PHF24: variants seen among roughly 807,000 people sequenced by gnomAD.
PHF24 encodes the protein PHD finger protein 24, also known as Galpha inhibitory interacting protein.
In PHF24, 25 loss-of-function variants were observed where a neutral mutation model predicts 42.6. The observed-to-expected ratio is 0.59, with a 90% confidence interval of 0.43 to 0.82. The LOEUF (loss-of-function observed/expected upper bound fraction) is 0.82. Among genes scored for constraint, PHF24 ranks in the 40% least tolerant of loss-of-function variants. The pLI is 0.00. For synonymous variants in PHF24, 185 were observed against 204.8 expected, an observed-to-expected ratio of 0.90 and a Z score of 0.83; for missense variants, 470 against 538.1, an observed-to-expected ratio of 0.87 and a Z score of 1.25.
chr9:34,693,032 T>C, the PHF24 span, among the ~76,000 whole-genome samples: 1 of 152,174 alleles, frequency 6.6e-6, no homozygotes. Flanking sequence ...AACTCCTGAC[T>C]TCAAATGATC....
At chr9:34,834,717 T>G in the PHF24 span, 1 of 1,543,468 alleles carries the variant, frequency 6.5e-7, no homozygotes, top group African/African-American at 1.4e-5. Flanking sequence ...TGGAGTTGCC[T>G]CTGTAGCAGG....
the PHF24 span, among the ~76,000 whole-genome samples, chr9:34,790,169 A>C: frequency 1.3e-5 from 2 of 152,168 alleles, no homozygotes; most frequent in African/African-American, 4.8e-5. Flanking sequence ...TTTAAATGAA[A>C]AATCAGGAGG....
chr9:34,694,162 T>G, the PHF24 span, among the ~76,000 whole-genome samples: 1 of 117,040 alleles, frequency 8.5e-6, no homozygotes, highest in Non-Finnish European at 1.8e-5. Context: ...CTCTATTCTT[T>G]TTTTTTTTTT....
chr9:34,873,239 T>C, the PHF24 span, among the ~76,000 whole-genome samples: 7 of 152,230 alleles, frequency 4.6e-5, no homozygotes, highest in African/African-American at 1.4e-4. Context: ...TTGGCTTTTG[T>C]TGCCTTTGCT....
At chr9:34,911,626 G>A in the PHF24 span, among the ~76,000 whole-genome samples, 1 of 152,032 alleles carries the variant, frequency 6.6e-6, no homozygotes, top group East Asian at 1.9e-4. Flanking sequence ...AGGACAATAG[G>A]AATAGTTAGT....
At chr9:34,704,399 A>G in the PHF24 span, among the ~76,000 whole-genome samples, 2 of 152,148 alleles carry the variant, frequency 1.3e-5, no homozygotes, top group Non-Finnish European at 2.9e-5. Context: ...AAATATTGAC[A>G]AGGAAGGAGT....
At chr9:34,912,831 A>G in the PHF24 span, among the ~76,000 whole-genome samples, 1 of 152,264 alleles carries the variant, frequency 6.6e-6, no homozygotes, top group Admixed American at 6.5e-5. Context: ...AAGAAAATGT[A>G]ACCAATTCTT....
chr9:34,892,511 A>G, the PHF24 span: 1 of 407,194 alleles, frequency 2.5e-6, no homozygotes, highest in Non-Finnish European at 4.3e-6. Context: ...GTGCAACAAT[A>G]TCCCACTTGT....
chr9:34,941,101 T>C, the PHF24 span, among the ~76,000 whole-genome samples: 1 of 152,104 alleles, frequency 6.6e-6, no homozygotes, highest in Non-Finnish European at 1.5e-5. Context: ...TAAGGGTAAG[T>C]GGGGTTACTC....
At chr9:34,853,782 C>T in the PHF24 span, among the ~76,000 whole-genome samples, 1 of 147,380 alleles carries the variant, frequency 6.8e-6, no homozygotes, top group African/African-American at 2.5e-5. Context: ...GAGCCGAGAT[C>T]CCGCCACTGC....
At chr9:34,914,621 C>A in the PHF24 span, among the ~76,000 whole-genome samples, 1 of 152,148 alleles carries the variant, frequency 6.6e-6, no homozygotes, top group African/African-American at 2.4e-5. Context: ...AATCTCATGT[C>A]GGTTCTGCTT....
At chr9:34,813,102 C>T in the PHF24 span, among the ~76,000 whole-genome samples, 1 of 152,194 alleles carries the variant, frequency 6.6e-6, no homozygotes, top group Non-Finnish European at 1.5e-5. Flanking sequence ...GCTTCAGATT[C>T]TCCACAGCTT....
intron 3 of PHF24, 133 bp from the exon 4 acceptor site, chr9:34,976,019 G>A (rs1827170807): frequency 1.5e-6 from 1 of 676,044 alleles, no homozygotes; most frequent in African/African-American, 1.8e-5. Context: ...CAATCTCATT[G>A]ATTGTGAATA....
At chr9:34,952,399 G>A in the PHF24 span, among the ~76,000 whole-genome samples, 6 of 152,286 alleles carry the variant, frequency 3.9e-5, no homozygotes, top group East Asian at 3.9e-4. Context: ...GAGATATGCC[G>A]TATTCATGGA....
the PHF24 span, among the ~76,000 whole-genome samples, chr9:34,684,929 A>G: frequency 6.6e-6 from 1 of 152,112 alleles, no homozygotes; most frequent in Admixed American, 6.6e-5. Context: ...CAAAGGCCCT[A>G]GAAGTAGGGT....
the PHF24 span, among the ~76,000 whole-genome samples, chr9:34,881,579 A>T: frequency 6.6e-6 from 1 of 152,210 alleles, no homozygotes; most frequent in Non-Finnish European, 1.5e-5. Context: ...AATACTATAA[A>T]CACCTCTACA....
At chr9:34,822,114 G>A in the PHF24 span, among the ~76,000 whole-genome samples, 10 of 151,924 alleles carry the variant, frequency 6.6e-5, no homozygotes, top group Middle Eastern at 3.4e-3. Flanking sequence ...TTTTCTAAAC[G>A]TAACCTGACA....
chr9:34,752,267 T>G, the PHF24 span, among the ~76,000 whole-genome samples: 1 of 152,056 alleles, frequency 6.6e-6, no homozygotes, highest in Non-Finnish European at 1.5e-5. Context: ...GTTGACTTTT[T>G]GAAAAGATAA....
At chr9:34,743,046 C>T in the PHF24 span, among the ~76,000 whole-genome samples, 1 of 152,208 alleles carries the variant, frequency 6.6e-6, no homozygotes, top group African/African-American at 2.4e-5. Context: ...TGGCTTGCAA[C>T]AACACTGTAG....
Sources: allele counts gnomAD v4.1 joint callset (sites outside exome capture counted in the v4.1 genomes callset), GRCh38; gene constraint gnomAD v4.1.1; transcripts MANE v1.5; gene names NCBI Gene and HGNC (gene_info 2026-07-23, HGNC 2026-07-21).